PARD3B: variants seen among roughly 807,000 people sequenced by gnomAD.
PARD3B encodes the protein par-3 family cell polarity regulator beta.
PARD3B carries 103 observed loss-of-function variants against 130.2 expected under a neutral mutation model. The ratio of observed to expected loss-of-function variants is 0.79; its 90% CI spans 0.67 to 0.93. The LOEUF is 0.93. Among genes scored for constraint, PARD3B ranks in the 40% least tolerant of loss-of-function variants. PARD3B has a pLI of 0.00. For missense variants in PARD3B, 1,609 were observed against 1,499.2 expected (o/e 1.07, Z -1.21); for synonymous variants, 583 against 553.2 (o/e 1.05, Z -0.76).
chr2:205,499,207 G>A (rs1036463862), intron 20 of PARD3B, among the ~76,000 whole-genome samples: 3 of 151,934 alleles, frequency 2.0e-5, no homozygotes, highest in African/African-American at 7.3e-5. Flanking sequence ...TTGGGGTTGG[G>A]CAGATGAGTT....
chr2:204,980,397 G>C (rs1158412154), intron 3 of PARD3B, among the ~76,000 whole-genome samples: 1 of 152,158 alleles, frequency 6.6e-6, no homozygotes, highest in Non-Finnish European at 1.5e-5. Flanking sequence ...GGTAGGAGTT[G>C]ACAAATCTTT....
intron 18 of PARD3B, among the ~76,000 whole-genome samples, chr2:205,339,657 A>T (rs552706685): frequency 6.6e-6 from 1 of 152,328 alleles, no homozygotes; most frequent in South Asian, 2.1e-4. Flanking sequence ...TAAAGTAAGC[A>T]TAGATGGAGT....
At chr2:204,621,188 C>A (rs2034289525) in intron 1 of PARD3B, among the ~76,000 whole-genome samples, 1 of 151,976 alleles carries the variant, frequency 6.6e-6, no homozygotes, top group African/African-American at 2.4e-5. Flanking sequence ...ATAATTCAAA[C>A]AGTAGCTAAA....
intron 2 of PARD3B, among the ~76,000 whole-genome samples, chr2:204,848,601 G>A (rs976851053): frequency 6.6e-6 from 1 of 151,956 alleles, no homozygotes; most frequent in Non-Finnish European, 1.5e-5. Context: ...CTATGATTGT[G>A]CCATTGCACA....
intron 2 of PARD3B, among the ~76,000 whole-genome samples, chr2:204,838,098 AG>A (rs1176569377): frequency 6.6e-6 from 1 of 152,092 alleles, no homozygotes; most frequent in Non-Finnish European, 1.5e-5. Flanking sequence ...CTATGAAACC[AG>A]TAAGATTCTA....
chr2:205,441,405 G>C (rs937860943), intron 20 of PARD3B, among the ~76,000 whole-genome samples: 12 of 152,160 alleles, frequency 7.9e-5, no homozygotes, highest in African/African-American at 2.7e-4. Flanking sequence ...TGATGTAAGA[G>C]AGTTTTAGTC....
At chr2:205,611,064 G>A (rs2055210787) in intron 22 of PARD3B, among the ~76,000 whole-genome samples, 1 of 152,206 alleles carries the variant, frequency 6.6e-6, no homozygotes, top group Admixed American at 6.5e-5. Context: ...CAAGATGCTT[G>A]TACTCCATGC....
chr2:205,527,730 A>G (rs1356207190), intron 21 of PARD3B, among the ~76,000 whole-genome samples: 1 of 152,178 alleles, frequency 6.6e-6, no homozygotes, highest in African/African-American at 2.4e-5. Context: ...TGCCATTATC[A>G]TAGAGAGTAC....
At chr2:204,586,317 C>T (rs1381467119) in intron 1 of PARD3B, among the ~76,000 whole-genome samples, 1 of 152,202 alleles carries the variant, frequency 6.6e-6, no homozygotes, top group African/African-American at 2.4e-5. Flanking sequence ...CCTACCCTGA[C>T]ACCAGTATCA....
intron 21 of PARD3B, among the ~76,000 whole-genome samples, chr2:205,543,282 A>C (rs1055718970): frequency 1.8e-4 from 27 of 152,200 alleles, no homozygotes; most frequent in African/African-American, 5.5e-4. Flanking sequence ...TTTATAACAC[A>C]TATCTCCTTA....
At chr2:204,975,447 T>C (rs1692064350) in intron 3 of PARD3B, among the ~76,000 whole-genome samples, 1 of 152,094 alleles carries the variant, frequency 6.6e-6, no homozygotes. Flanking sequence ...CCATCCATCC[T>C]TCTCCCTGAA....
intron 22 of PARD3B, among the ~76,000 whole-genome samples, chr2:205,612,171 G>C (rs1173314153): frequency 6.6e-6 from 1 of 152,172 alleles, no homozygotes; most frequent in African/African-American, 2.4e-5. Context: ...AATTCTTCTT[G>C]AGACAGAGTC....
chr2:205,035,686 T>C (rs917543045), intron 3 of PARD3B, among the ~76,000 whole-genome samples: 1 of 150,792 alleles, frequency 6.6e-6, no homozygotes, highest in African/African-American at 2.4e-5. Flanking sequence ...TGACTGGCAA[T>C]AGATTATATG....
At chr2:205,549,013 T>C (rs1469967643) in intron 21 of PARD3B, among the ~76,000 whole-genome samples, 1 of 152,032 alleles carries the variant, frequency 6.6e-6, no homozygotes, top group Non-Finnish European at 1.5e-5. Context: ...AATAAGACTG[T>C]GAAAAGATGT....
At chr2:205,303,789 A>T (rs926672338) in intron 18 of PARD3B, among the ~76,000 whole-genome samples, 1 of 152,194 alleles carries the variant, frequency 6.6e-6, no homozygotes, top group Non-Finnish European at 1.5e-5. Flanking sequence ...GTGGGGTGAC[A>T]ATCTCCTATT....
intron 15 of PARD3B, among the ~76,000 whole-genome samples, chr2:205,204,472 T>C (rs2037172376): frequency 6.6e-6 from 1 of 152,246 alleles, no homozygotes; most frequent in Non-Finnish European, 1.5e-5. Flanking sequence ...CATTTGTCAA[T>C]TTTGGCTTTT....
intron 2 of PARD3B, among the ~76,000 whole-genome samples, chr2:204,951,758 G>A (rs1689793273): frequency 6.6e-6 from 1 of 152,148 alleles, no homozygotes; most frequent in African/African-American, 2.4e-5. Flanking sequence ...AGAGAAATGT[G>A]GTTAGAAAGC....
intron 3 of PARD3B, among the ~76,000 whole-genome samples, chr2:205,002,075 GAC>G (rs1694885298): frequency 6.6e-6 from 1 of 152,094 alleles, no homozygotes; most frequent in Non-Finnish European, 1.5e-5. Flanking sequence ...ACATTCATAT[GAC>G]ACATGTGAGT....
intron 1 of PARD3B, among the ~76,000 whole-genome samples, chr2:204,630,182 G>A (rs1191658169): frequency 6.6e-6 from 1 of 152,060 alleles, no homozygotes; most frequent in African/African-American, 2.4e-5. Context: ...TACTCAATCT[G>A]ATCCAAACTG....
Sources: allele counts gnomAD v4.1 joint callset (sites outside exome capture counted in the v4.1 genomes callset), GRCh38; gene constraint gnomAD v4.1.1; transcripts MANE v1.5; gene names NCBI Gene and HGNC (gene_info 2026-07-23, HGNC 2026-07-21).